TBC1D5: variants seen among roughly 807,000 people sequenced by gnomAD.
The protein encoded by TBC1D5 is TBC1 domain family, member 5.
Under a neutral mutation model 100.3 loss-of-function variants are expected in TBC1D5, and 75 were observed. The observed-to-expected ratio is 0.75, with a 90% CI of 0.62 to 0.91. TBC1D5 has a LOEUF of 0.91. TBC1D5 is among the 40% of genes least tolerant of loss of function. The probability of loss-of-function intolerance (pLI) is 0.00; values close to 1 mark genes in which losing one functional copy is unlikely to be tolerated. For synonymous variants in TBC1D5, 323 were observed against 325.6 expected (o/e 0.99, Z 0.09); for missense variants, 910 against 942.4 (o/e 0.97, Z 0.45).
chr3:17,706,216 G>C lies in TBC1D5; in HGVS notation c.-101+33127C>G, dbSNP rs540962774. 748 of 1,549,866 alleles carry C rather than the reference G, an allele frequency of 4.8e-4. 5 individuals carry two copies. The Admixed American group carries it at 0.013, about 27-fold the overall frequency. ...TTCTCCGGCATCGCGGCGAGGCCCA[G>C]GCTGTGGAGGCGGCGGCCACCACAT... On this transcript the variant is annotated intron_variant, in intron 1 of 21. Transcript: ENST00000253692.
chr3:17,533,393 C>A (rs2096252377), intron 2 of TBC1D5, among the ~76,000 whole-genome samples: 1 of 152,160 alleles, frequency 6.6e-6, no homozygotes, highest in African/African-American at 2.4e-5. Context: ...AGTTCCTGAG[C>A]TCCTACACTA....
At chr3:17,473,267 G>A (rs928461961) in intron 3 of TBC1D5, among the ~76,000 whole-genome samples, 11 of 151,976 alleles carry the variant, frequency 7.2e-5, no homozygotes, top group African/African-American at 2.2e-4. Context: ...TTTAAGTGTC[G>A]ATACCTTGAA....
At chr3:17,557,361 T>C (rs2096528975) in intron 2 of TBC1D5, among the ~76,000 whole-genome samples, 1 of 152,172 alleles carries the variant, frequency 6.6e-6, no homozygotes, top group Non-Finnish European at 1.5e-5. Context: ...AACATTCCAT[T>C]TGGATGTATG....
intron 1 of TBC1D5, among the ~76,000 whole-genome samples, chr3:17,626,230 C>A (rs1405741221): frequency 6.6e-6 from 1 of 152,030 alleles, no homozygotes; most frequent in African/African-American, 2.4e-5. Flanking sequence ...AATGACAAAC[C>A]ACATTCTTCA....
chr3:17,461,570 C>A (rs927074951), intron 3 of TBC1D5, among the ~76,000 whole-genome samples: 16 of 152,062 alleles, frequency 1.1e-4, no homozygotes, highest in Non-Finnish European at 2.2e-4. Flanking sequence ...ATAAATAATC[C>A]TGTTTGCCAA....
At chr3:17,561,522 T>A (rs968634741) in intron 2 of TBC1D5, among the ~76,000 whole-genome samples, 1 of 152,034 alleles carries the variant, frequency 6.6e-6, no homozygotes, top group African/African-American at 2.4e-5. Context: ...CTCAATAAAA[T>A]AGACTAAATT....
chr3:17,640,031 A>G (rs532191580), intron 1 of TBC1D5, among the ~76,000 whole-genome samples: 5 of 152,322 alleles, frequency 3.3e-5, no homozygotes, highest in Non-Finnish European at 5.9e-5. Context: ...GCACAGTTAT[A>G]CAAACAGCCC....
chr3:17,171,639 A>T (rs938263296), intron 19 of TBC1D5, among the ~76,000 whole-genome samples: 1 of 152,046 alleles, frequency 6.6e-6, no homozygotes, highest in Non-Finnish European at 1.5e-5. Flanking sequence ...CCCTCTTCTT[A>T]TAAGGACACC....
intron 3 of TBC1D5, among the ~76,000 whole-genome samples, chr3:17,470,899 C>T (rs925103383): frequency 3.3e-5 from 5 of 151,928 alleles, no homozygotes; most frequent in East Asian, 1.9e-4. Flanking sequence ...CCAGCCCGGA[C>T]GACAGAGTGA....
intron 2 of TBC1D5, among the ~76,000 whole-genome samples, chr3:17,541,196 C>CA (rs201255674): frequency 0.14 from 15,175 of 109,480 alleles, 1,841 homozygotes; most frequent in African/African-American, 0.36. Flanking sequence ...CTATTTCTTC[C>CA]AAAAAAAAAA....
intron 3 of TBC1D5, among the ~76,000 whole-genome samples, chr3:17,472,019 T>C (rs938203984): frequency 3.3e-5 from 5 of 152,108 alleles, no homozygotes; most frequent in Admixed American, 3.3e-4. Flanking sequence ...TATAACAGTT[T>C]CAGGAGATTA....
intron 13 of TBC1D5, among the ~76,000 whole-genome samples, chr3:17,346,064 T>TATA (rs1315137811): frequency 1.3e-5 from 2 of 151,932 alleles, no homozygotes; most frequent in African/African-American, 2.4e-5. Flanking sequence ...AAACTTAAAG[T>TATA]ATAATAATAA....
chr3:17,515,826 T>G (rs947278142), intron 2 of TBC1D5, among the ~76,000 whole-genome samples: 6 of 152,194 alleles, frequency 3.9e-5, no homozygotes, highest in African/African-American at 1.4e-4. Flanking sequence ...AAGCAAGTAA[T>G]AAGTAAGCTG....
chr3:17,700,172 C>T (rs867465493), intron 1 of TBC1D5, among the ~76,000 whole-genome samples: 2 of 149,952 alleles, frequency 1.3e-5, no homozygotes, highest in Middle Eastern at 3.2e-3. Context: ...AAAAAAAATA[C>T]CACACAACTA....
intron 13 of TBC1D5, among the ~76,000 whole-genome samples, chr3:17,328,223 A>T (rs1347980372): frequency 6.6e-6 from 1 of 151,990 alleles, no homozygotes; most frequent in East Asian, 1.9e-4. Flanking sequence ...TGAGCCATGA[A>T]CAGGCCACTG....
At chr3:17,544,564 T>A (rs1024511750) in intron 2 of TBC1D5, among the ~76,000 whole-genome samples, 1 of 149,362 alleles carries the variant, frequency 6.7e-6, no homozygotes, top group African/African-American at 2.5e-5. Context: ...GACAGGAGAA[T>A]CTCTTGAACC....
chr3:17,514,451 A>G (rs571694708), intron 2 of TBC1D5, among the ~76,000 whole-genome samples: 2 of 152,320 alleles, frequency 1.3e-5, no homozygotes, highest in Admixed American at 6.5e-5. Flanking sequence ...CAGGTATAAG[A>G]CTACAATAAG....
At chr3:17,477,589 AT>A (rs2095452891) in intron 3 of TBC1D5, among the ~76,000 whole-genome samples, 1 of 152,058 alleles carries the variant, frequency 6.6e-6, no homozygotes, top group African/African-American at 2.4e-5. Flanking sequence ...ATACAACTGT[AT>A]AAGTCATTGT....
intron 18 of TBC1D5, among the ~76,000 whole-genome samples, chr3:17,208,843 G>T (rs994552134): frequency 6.6e-6 from 1 of 152,084 alleles, no homozygotes; most frequent in Admixed American, 6.5e-5. Flanking sequence ...CTCTTACTCT[G>T]GTTCTTCATA....
Sources: gnomAD v4.1 joint callset for allele counts (sites outside exome capture counted in the v4.1 genomes callset) on GRCh38, gnomAD v4.1.1 for gene constraint, MANE v1.5 for transcripts, NCBI Gene and HGNC (gene_info 2026-07-23, HGNC 2026-07-21) for gene names.